Variants in PRKN observed in about 807,000 individuals in gnomAD.
PRKN encodes the protein E3 ubiquitin-protein ligase parkin.
Under a neutral mutation model 59.5 loss-of-function variants are expected in PRKN, and 56 were observed. The ratio of observed to expected loss-of-function variants is 0.94; its 90% confidence interval spans 0.76 to 1.18. The LOEUF (loss-of-function observed/expected upper bound fraction) is 1.18. Among genes scored for constraint, PRKN ranks in the 50% most tolerant of loss-of-function variants. The pLI is 0.00. For missense variants in PRKN, 657 were observed against 596.4 expected, an observed-to-expected ratio of 1.10 and a Z score of -1.06; for synonymous variants, 250 against 222.1, an observed-to-expected ratio of 1.13 and a Z score of -1.12.
rs185875375 is a variant in PRKN at position 162,352,224 on chromosome 6, A to T, written c.172-89459T>A. Among the ~76,000 whole-genome samples, 28 of 152,312 alleles carry T rather than the reference A, an allele frequency of 1.8e-4. No homozygotes were observed. In the East Asian group the frequency reaches 2.5e-3, roughly 14 times the overall value. On this transcript the variant is annotated intron_variant, in intron 2 of 11. Coordinates refer to ENST00000366898, the MANE Select transcript of PRKN (RefSeq NM_004562.3). The stretch of plus-strand genomic sequence containing the variant: ...TCTGGAAGATCTCTGCACCCAGGTC[A>T]TCCCACCAGGGGGCCCTGAGAACCA...
At chr6:162,198,061 C>A (rs561498563) in intron 4 of PRKN, among the ~76,000 whole-genome samples, 1 of 152,202 alleles carries the variant, frequency 6.6e-6, no homozygotes, top group East Asian at 1.9e-4. Context: ...GACATTTTGG[C>A]CCCTCAGGTA....
chr6:161,617,349 G>A (rs181018505), intron 7 of PRKN, among the ~76,000 whole-genome samples: 61 of 152,342 alleles, frequency 4.0e-4, no homozygotes, highest in Non-Finnish European at 7.9e-4. Flanking sequence ...CTCCCATTGT[G>A]TAGGCTGCCT....
chr6:162,378,670 A>G (rs1474799527), intron 2 of PRKN, among the ~76,000 whole-genome samples: 1 of 152,258 alleles, frequency 6.6e-6, no homozygotes, highest in Non-Finnish European at 1.5e-5. Flanking sequence ...TGGCAGTCTC[A>G]AGAACTGTTA....
intron 6 of PRKN, among the ~76,000 whole-genome samples, chr6:161,852,735 C>T (rs915092674): frequency 3.3e-5 from 5 of 151,984 alleles, no homozygotes; most frequent in South Asian, 2.1e-4. Context: ...CAGCAGATGA[C>T]GAATGGCTCT....
intron 7 of PRKN, among the ~76,000 whole-genome samples, chr6:161,676,670 C>G (rs1389020203): frequency 6.6e-6 from 1 of 152,150 alleles, no homozygotes; most frequent in Non-Finnish European, 1.5e-5. Context: ...ATAATATTAT[C>G]TGGCTCTCTG....
At chr6:161,657,400 C>A (rs899741671) in intron 7 of PRKN, among the ~76,000 whole-genome samples, 10 of 152,158 alleles carry the variant, frequency 6.6e-5, no homozygotes, top group African/African-American at 2.4e-4. Context: ...CAGTGGCTTG[C>A]CACTGCTCCT....
At chr6:161,841,351 T>C (rs574816846) in intron 6 of PRKN, among the ~76,000 whole-genome samples, 6 of 143,810 alleles carry the variant, frequency 4.2e-5, no homozygotes, top group African/African-American at 1.5e-4. Context: ...GCTTTCTTTT[T>C]CCTTTTTTTT....
At chr6:162,553,648 G>A (rs749191260) in intron 1 of PRKN, among the ~76,000 whole-genome samples, 51 of 151,374 alleles carry the variant, frequency 3.4e-4, no homozygotes, top group Non-Finnish European at 5.2e-4. Flanking sequence ...AATAAAAAGC[G>A]TGTGGGTAAC....
At chr6:161,769,405 G>T (rs889302980) in intron 7 of PRKN, among the ~76,000 whole-genome samples, 3 of 152,086 alleles carry the variant, frequency 2.0e-5, no homozygotes, top group Admixed American at 6.6e-5. Flanking sequence ...TCAATGAATT[G>T]GCACCATCTG....
At chr6:161,799,254 G>A (rs1790980691) in intron 6 of PRKN, among the ~76,000 whole-genome samples, 1 of 152,172 alleles carries the variant, frequency 6.6e-6, no homozygotes, top group Admixed American at 6.5e-5. Flanking sequence ...CCCAATGCCT[G>A]GCCTGTGGCT....
intron 2 of PRKN, among the ~76,000 whole-genome samples, 177 bp downstream of exon 2, chr6:162,443,133 T>C (rs1444786273): frequency 6.6e-6 from 1 of 152,190 alleles, no homozygotes; most frequent in African/African-American, 2.4e-5. Flanking sequence ...CTGCTTGCTG[T>C]TTTAATGCAT....
intron 7 of PRKN, among the ~76,000 whole-genome samples, chr6:161,692,358 A>G (rs1447605616): frequency 6.6e-6 from 1 of 152,236 alleles, no homozygotes; most frequent in African/African-American, 2.4e-5. Flanking sequence ...CCAGAGTATA[A>G]TTCCCATTCT....
Position 161,440,876 on chromosome 6 carries a change from T to A in PRKN, c.1084-53999A>T, listed in dbSNP as rs1789178789. ...CATCTCTCCAGAATACAAATAAGAG[T>A]CTAATGTGATAAGAGGCTGAACTGA... On this transcript the variant is annotated intron_variant, in intron 9 of 11. Coordinates refer to ENST00000366898, the MANE Select transcript of PRKN (RefSeq NM_004562.3). The surrounding 1 kb of genome is among the most constrained non-coding windows in gnomAD (Gnocchi z 4.1). 1.3e-5 allele frequency among the ~76,000 whole-genome samples: 2 copies of A among 151,288 alleles called. No homozygotes were observed. The highest frequency in any genetic ancestry group is 2.9e-5 in the Non-Finnish European group (2 of 67,986).
At chr6:162,242,315 G>A (rs1445938674) in intron 3 of PRKN, among the ~76,000 whole-genome samples, 1 of 152,102 alleles carries the variant, frequency 6.6e-6, no homozygotes, top group African/African-American at 2.4e-5. Context: ...TTTCCACAGT[G>A]TTAAGGTTGG....
At chr6:161,437,384 A>G (rs1357956319) in intron 9 of PRKN, among the ~76,000 whole-genome samples, 1 of 152,174 alleles carries the variant, frequency 6.6e-6, no homozygotes, top group Non-Finnish European at 1.5e-5. Context: ...TCATCGCACA[A>G]CTCAGAACAG....
intron 4 of PRKN, among the ~76,000 whole-genome samples, chr6:162,168,716 T>C (rs985370898): frequency 6.6e-6 from 1 of 151,610 alleles, no homozygotes; most frequent in South Asian, 2.1e-4. Context: ...TATCGCTATT[T>C]ATGTTATTAC....
chr6:162,653,833 A>G (rs1230911201), intron 1 of PRKN, among the ~76,000 whole-genome samples: 1 of 152,226 alleles, frequency 6.6e-6, no homozygotes, highest in Non-Finnish European at 1.5e-5. Context: ...AAACAGATTA[A>G]GAATTACAGT....
chr6:161,698,372 A>G (rs1786110475), intron 7 of PRKN, among the ~76,000 whole-genome samples: 1 of 152,168 alleles, frequency 6.6e-6, no homozygotes, highest in Non-Finnish European at 1.5e-5. Context: ...TCATCCATTG[A>G]AACAAATATT....
At position 162,727,747 on chromosome 6, in the gene PRKN, G is replaced by C. The variant is rs1246502527; in HGVS notation, c.-79C>G. ...GCGCCAGCCGCGCCTCCCACCAGCG[G>C]CTCTCCTGGGTTAAATCCTCCAGGC... On this transcript the variant is annotated 5_prime_UTR_variant, in exon 1 of 12. Transcript: ENST00000366898. The C allele has an allele frequency of 3.5e-6, 5 of 1,445,984 alleles. No homozygotes were observed. The highest frequency in any genetic ancestry group is 2.5e-5 in the East Asian group (1 of 40,292). 89.6% of individuals were successfully genotyped at this position (1,445,984 alleles called of 1,614,324 possible).
Sources: allele counts gnomAD v4.1 joint callset (sites outside exome capture counted in the v4.1 genomes callset), GRCh38; gene constraint gnomAD v4.1.1; non-coding constraint Gnocchi (gnomAD v3.1); transcripts MANE v1.5; gene names NCBI Gene and HGNC (gene_info 2026-07-23, HGNC 2026-07-21).